Variants in TYK2 observed in about 807,000 individuals in gnomAD.
TYK2 encodes non-receptor tyrosine-protein kinase TYK2.
A neutral mutation model predicts 130.9 loss-of-function variants in TYK2; 65 were observed. That is an observed-to-expected ratio of 0.50 (90% CI 0.41 to 0.61). TYK2 has a LOEUF of 0.61. Ranked by LOEUF, TYK2 falls within the 20% of genes least tolerant of loss-of-function variation. The pLI is 0.00. For missense variants in TYK2, 1,378 were observed against 1,610.7 expected (o/e 0.86, Z 2.47); for synonymous variants, 647 against 658.9 (o/e 0.98, Z 0.28).
chr19:10,373,348 AT>A (rs2041994470), intron 3 of TYK2, among the ~76,000 whole-genome samples: 1 of 139,992 alleles, frequency 7.1e-6, no homozygotes, highest in African/African-American at 2.7e-5. Context: ...AATGTTTCAT[AT>A]TTTTGTTTTT....
Position 10,376,012 on chromosome 19 carries a change from T to C in TYK2, c.193+2202A>G, listed in dbSNP as rs1258175518. Among the ~76,000 whole-genome samples the C allele has an allele frequency of 8.0e-5, 12 of 149,840 alleles. No homozygotes were observed. The South Asian group carries it at 1.9e-3, about 23-fold the overall frequency. ...AGGAGGGAAAGCCTTTCTTTCTTTT[T>C]TTTTTTTTTTTTTCTTTGAGATGGA... On this transcript the variant is annotated intron_variant, in intron 3 of 24. Transcript: ENST00000525621.
chr19:10,372,481 TATA>T (rs1351016227), intron 3 of TYK2, among the ~76,000 whole-genome samples: 27 of 65,700 alleles, frequency 4.1e-4, no homozygotes, highest in South Asian at 2.3e-3. Flanking sequence ...TATATATATA[TATA>T]TTTTTTTTTT....
At position 10,365,772 on chromosome 19, in the gene TYK2, C is replaced by G; in HGVS notation, c.756G>C (p.Gln252His). ...CTAGGTATTTGACCATGACCATCTG[C>G]TGGGAGAGTCGGCCCGGCTGGAAGT... Reference protein sequence around the residue: ...LRDFQPGRLSQQMVMVKYLAT... With the variant: ...LRDFQPGRLSHQMVMVKYLAT... Residue 252 changes from glutamine (Q) to histidine (H), a missense_variant, in exon 7 of 25, where the codon CAG becomes CAC. Gln to His is a conservative substitution (Grantham distance 24, BLOSUM62 0). Coordinates refer to ENST00000525621, the MANE Select transcript of TYK2 (RefSeq NM_003331.5). The G allele has an allele frequency of 1.9e-6, 3 of 1,612,698 alleles. No individual in the cohort carries two copies. Among genetic ancestry groups the G allele is most frequent in the Non-Finnish European group, 2.5e-6 (3 of 1,179,848 alleles).
At chr19:10,370,747 G>A (rs1393532399) in intron 3 of TYK2, among the ~76,000 whole-genome samples, 1 of 151,914 alleles carries the variant, frequency 6.6e-6, no homozygotes, top group Non-Finnish European at 1.5e-5. Flanking sequence ...GAACCTGGAG[G>A]CAGAGGTTGC....
chr19:10,365,395 C>A, intron 7 of TYK2, 122 bp downstream of exon 7: 1 of 1,472,796 alleles, frequency 6.8e-7, no homozygotes, highest in Non-Finnish European at 9.3e-7. Context: ...GGACAGGTGC[C>A]CCAGAGCCAT....
rs559515138 is a variant in TYK2, at chr19:10,366,074, G to T, written c.630-176C>A. On this transcript the variant is annotated intron_variant, in intron 6 of 24. Coordinates refer to ENST00000525621, the MANE Select transcript of TYK2 (RefSeq NM_003331.5). Reference sequence around the variant, plus strand: ...TCTCAGCTACTTGGGAAGCCAAGGCGGAAGGATCGCTTGAGGTCAGGAGTT... The same window carrying T: ...TCTCAGCTACTTGGGAAGCCAAGGCTGAAGGATCGCTTGAGGTCAGGAGTT... Among the ~76,000 whole-genome samples the T allele has an allele frequency of 5.4e-4, 82 of 152,160 alleles. 1 individual carries two copies. The highest frequency in any genetic ancestry group is 1.0e-3 in the Non-Finnish European group (71 of 68,028).
rs12720318 is a variant in TYK2 at position 10,354,362 on chromosome 19, C to T, written c.2716-128G>A. The T allele has an allele frequency of 6.7e-4, 910 of 1,348,848 alleles. 4 individuals are homozygous for T. The African/African-American group carries it at 0.012, about 17-fold the overall frequency. The allele number at this position is 1,348,848 out of a possible 1,614,324, so 83.6% of individuals were successfully genotyped here. A position where few individuals can be genotyped will look rare whatever the true frequency, so the allele number is the denominator to read the frequency against. ...TACCCCAGGCCCCGCCTACTCCGCT[C>T]TATTAAGACTCCTTGGCACCTAGGC... On this transcript the variant is annotated intron_variant, in intron 19 of 24. Coordinates refer to ENST00000525621, the MANE Select transcript of TYK2 (RefSeq NM_003331.5).
At chr19:10,366,265 C>T (rs775112113) in intron 6 of TYK2, 152 bp downstream of exon 6, 2 of 791,904 alleles carry the variant, frequency 2.5e-6, no homozygotes, top group Non-Finnish European at 3.9e-6. Flanking sequence ...CAAGATTGCG[C>T]CACTGTACTC....
In TYK2 at chr19:10,359,176, A is replaced by G; in HGVS notation, c.2174T>C (p.Leu725Pro). The G allele has an allele frequency of 6.2e-7, 1 of 1,602,432 alleles. No homozygotes were observed. The highest frequency in any genetic ancestry group is 8.5e-7 in the Non-Finnish European group (1 of 1,179,796). Residue 725 changes from leucine to proline, a missense_variant and splice_region_variant, in exon 15 of 25, where the codon CTG (leucine) becomes CCG (proline). Physicochemically the swap from Leu to Pro is moderately conservative, Grantham distance 98. Transcript: ENST00000525621. ...AQQLASALSY[L>P]ENKNLVHGNV... ...AGGCCCCACACACAGGCCACACACC[A>G]GGTAGCTGAGGGCGCTGGCCAGCTG...
intron 18 of TYK2, among the ~76,000 whole-genome samples, chr19:10,355,735 G>A (rs1355933110): frequency 4.0e-5 from 6 of 148,154 alleles, no homozygotes; most frequent in South Asian, 2.2e-4. Flanking sequence ...AGGCCGAGGC[G>A]GGTGGATCAC....
chr19:10,356,689 C>G lies in TYK2; in HGVS notation c.2496G>C (p.Arg832=). The change falls in exon 18 of 25, where the codon CGG becomes CGC. Residue 832 remains arginine (R), a synonymous_variant. Transcript: ENST00000525621. ...GCTGTGGGCAGGAGGGCTCGGGCAG[C>G]CGGTGCTGCCTCTGGTAGAAATGCT... ...EKEHFYQRQH[R]LPEPSCPQLA... 1 of 1,611,038 alleles carries G rather than the reference C, an allele frequency of 6.2e-7. No individual in the cohort carries two copies. Among genetic ancestry groups the G allele is most frequent in the Non-Finnish European group, 8.5e-7 (1 of 1,178,914 alleles).
Position 10,352,995 on chromosome 19 carries a change from AG to A in TYK2, c.3130del (p.Leu1044Ter), listed in dbSNP as rs2040889666. 2 of 1,605,536 alleles carry A rather than the reference AG, an allele frequency of 1.2e-6. No homozygotes were observed. The highest frequency in any genetic ancestry group is 1.7e-6 in the Non-Finnish European group (2 of 1,175,642). On this transcript the variant is annotated frameshift_variant, in exon 22 of 25. Transcript: ENST00000525621. LOFTEE classifies it high-confidence loss of function. ...DRLVKIGDFG[L>X]AKAVPEGHEY... ...GTGGCCTTCGGGCACGGCCTTGGCT[AG>A]GCCAAAGTCCCCGATCTTGACCAGC...
chr19:10,357,474 T>C, intron 17 of TYK2: 1 of 703,188 alleles, frequency 1.4e-6, no homozygotes, highest in South Asian at 1.5e-5. Context: ...TCAGCCCTTC[T>C]TCCCCACTCT....
In TYK2 at chr19:10,352,981, G is replaced by T; in HGVS notation, c.3145C>A (p.Pro1049Thr). The T allele has an allele frequency of 6.2e-7, 1 of 1,606,550 alleles. No individual in the cohort carries two copies. Residue 1049 changes from proline (P) to threonine (T), a missense_variant, in exon 22 of 25, where the codon CCC (proline) becomes ACC (threonine). Transcript: ENST00000525621. ...ACGCGGTAGTACTCGTGGCCTTCGGGCACGGCCTTGGCTAGGCCAAAGTCC... is the reference window on the plus strand; with the variant it reads ...ACGCGGTAGTACTCGTGGCCTTCGGTCACGGCCTTGGCTAGGCCAAAGTCC... ...IGDFGLAKAVPEGHEYYRVRE... is the reference protein window; with the variant it reads ...IGDFGLAKAVTEGHEYYRVRE...
intron 2 of TYK2, among the ~76,000 whole-genome samples, chr19:10,378,703 A>C (rs1057071943): frequency 6.6e-6 from 1 of 152,204 alleles, no homozygotes; most frequent in Non-Finnish European, 1.5e-5. Flanking sequence ...TGCTCTGGCC[A>C]GGTACAGTGG....
At chr19:10,366,733 T>TAAAAAAAA (rs750662938) in intron 5 of TYK2, among the ~76,000 whole-genome samples, 153 bp from the exon 6 acceptor site, 3 of 101,918 alleles carry the variant, frequency 2.9e-5, no homozygotes, top group Non-Finnish European at 2.1e-5. Flanking sequence ...GCTGATGAGC[T>TAAAAAAAA]AAAAAAAAAA....
chr19:10,366,862 T>C (rs1464534006), intron 5 of TYK2, among the ~76,000 whole-genome samples: 3 of 151,644 alleles, frequency 2.0e-5, no homozygotes, highest in African/African-American at 7.3e-5. Context: ...CTGACCAACA[T>C]GGAGAAAACT....
Position 10,358,010 on chromosome 19 carries a change from G to C in TYK2, c.2304C>G (p.Ser768=), listed in dbSNP as rs767638265. Residue 768 remains serine, a synonymous_variant, in exon 16 of 25, where the codon TCC becomes TCG. Transcript: ENST00000525621. ...GTCCCCTCAGGTACTCACCCTCCCTGGAGAGGGCGCCCAGGCCCACGCCAG... is the reference window on the plus strand; with the variant it reads ...GTCCCCTCAGGTACTCACCCTCCCTCGAGAGGGCGCCCAGGCCCACGCCAG... The part of the protein sequence containing the change: ...SDPGVGLGAL[S]REERVERIPW... 6.2e-7 allele frequency: 1 copy of C among 1,613,362 alleles called. No homozygotes were observed. The highest frequency in any genetic ancestry group is 1.3e-5 in the African/African-American group (1 of 74,950).
chr19:10,368,723 A>C, intron 3 of TYK2: 1 of 391,762 alleles, frequency 2.6e-6, no homozygotes, highest in Non-Finnish European at 4.9e-6. Context: ...CACCTTCACC[A>C]CCCGAGGTAT....
Sources: allele counts gnomAD v4.1 joint callset (sites outside exome capture counted in the v4.1 genomes callset), GRCh38; gene constraint gnomAD v4.1.1; transcripts MANE v1.5; gene names NCBI Gene and HGNC (gene_info 2026-07-23, HGNC 2026-07-21).